PTPRD: variants seen among roughly 807,000 people sequenced by gnomAD.
PTPRD encodes receptor-type tyrosine-protein phosphatase delta.
PTPRD carries 34 observed loss-of-function variants against 214.5 expected under a neutral mutation model. The ratio of observed to expected loss-of-function variants is 0.16; its 90% CI spans 0.12 to 0.21. The LOEUF (loss-of-function observed/expected upper bound fraction) is 0.21. Ranked by LOEUF, PTPRD falls within the 10% of genes least tolerant of loss-of-function variation. PTPRD has a pLI of 1.00. For synonymous variants in PTPRD, 1,128 were observed against 845.7 expected (o/e 1.33, Z -5.79); for missense variants, 2,545 against 2,398.7 (o/e 1.06, Z -1.27).
At chr9:8,807,495 A>G (rs2154521332) in intron 11 of PTPRD, among the ~76,000 whole-genome samples, 1 of 152,224 alleles carries the variant, frequency 6.6e-6, no homozygotes, top group South Asian at 2.1e-4. Context: ...CAAACAAACA[A>G]AGCAACTACA....
At chr9:9,779,474 C>T (rs748202803) in intron 5 of PTPRD, among the ~76,000 whole-genome samples, 25 of 151,986 alleles carry the variant, frequency 1.6e-4, no homozygotes, top group East Asian at 3.9e-4. Flanking sequence ...GTCTAATATC[C>T]GGAATGTATA....
chr9:9,742,418 A>G (rs1462909290), intron 6 of PTPRD, among the ~76,000 whole-genome samples: 2 of 152,222 alleles, frequency 1.3e-5, no homozygotes, highest in Non-Finnish European at 2.9e-5. Context: ...AATTAGAAGC[A>G]TCATGTATTC....
chr9:10,601,221 G>T (rs965539415), intron 2 of PTPRD, among the ~76,000 whole-genome samples: 18 of 151,596 alleles, frequency 1.2e-4, no homozygotes, highest in South Asian at 1.0e-3. Context: ...GTAGAGTCAG[G>T]GAGACAGTAG....
intron 4 of PTPRD, among the ~76,000 whole-genome samples, chr9:9,991,010 C>T (rs1230326528): frequency 2.0e-5 from 3 of 150,856 alleles, no homozygotes; most frequent in African/African-American, 7.3e-5. Context: ...TCTCGGCTCA[C>T]AACAACCTCT....
chr9:8,331,515 A>AAAGTGT, intron 44 of PTPRD, 67 bp downstream of exon 44: 1 of 1,550,818 alleles, frequency 6.4e-7, no homozygotes, highest in Non-Finnish European at 8.7e-7. Flanking sequence ...CTTACTACAA[A>AAAGTGT]AAGTGTATAC....
intron 9 of PTPRD, among the ~76,000 whole-genome samples, chr9:9,271,830 G>A (rs1384442337): frequency 6.6e-6 from 1 of 151,106 alleles, no homozygotes; most frequent in Non-Finnish European, 1.5e-5. Flanking sequence ...TATATTCAAA[G>A]GTATAAGAAG....
intron 3 of PTPRD, among the ~76,000 whole-genome samples, chr9:10,252,060 T>G (rs1425260407): frequency 6.6e-6 from 1 of 152,196 alleles, no homozygotes; most frequent in Non-Finnish European, 1.5e-5. Context: ...ATTCTACCAA[T>G]GTATACATGT....
chr9:10,309,169 C>T (rs2096188364), intron 3 of PTPRD, among the ~76,000 whole-genome samples: 1 of 151,994 alleles, frequency 6.6e-6, no homozygotes. Flanking sequence ...CCATATTGAT[C>T]CTTCAAACTT....
At position 10,496,732 on chromosome 9, in the gene PTPRD, T is replaced by C. The variant is rs149198183; in HGVS notation, c.-600+115666A>G. On this transcript the variant is annotated intron_variant, in intron 2 of 45. Transcript: ENST00000381196. ...TGATGTTGAGCATTTTTGCATATGC[T>C]TATTGGCTGCTTGTATATCTTCTTT... Among the ~76,000 whole-genome samples the C allele has an allele frequency of 6.5e-4, 99 of 152,164 alleles. 2 individuals carry two copies. In the East Asian group the frequency reaches 0.018, roughly 27 times the overall value.
At chr9:9,917,073 C>A (rs1307522011) in intron 5 of PTPRD, among the ~76,000 whole-genome samples, 1 of 149,180 alleles carries the variant, frequency 6.7e-6, no homozygotes, top group African/African-American at 2.5e-5. Context: ...TATTAAGAGG[C>A]AAGTATATAT....
intron 3 of PTPRD, among the ~76,000 whole-genome samples, chr9:10,131,905 A>G (rs2098891207): frequency 1.3e-5 from 2 of 152,158 alleles, no homozygotes; most frequent in Admixed American, 6.6e-5. Flanking sequence ...AAAATCAAAA[A>G]ATATGCTCAA....
chr9:10,610,325 A>G (rs1414715813), intron 2 of PTPRD, among the ~76,000 whole-genome samples: 1 of 152,200 alleles, frequency 6.6e-6, no homozygotes, highest in Non-Finnish European at 1.5e-5. Flanking sequence ...AATGTATGTC[A>G]GGTTAGTTTT....
At position 8,518,304 on chromosome 9, in the gene PTPRD, A is replaced by C; in HGVS notation, c.1087T>G (p.Ser363Ala). The C allele has an allele frequency of 1.2e-6, 2 of 1,614,092 alleles. No homozygotes were observed. The highest frequency in any genetic ancestry group is 1.7e-6 in the Non-Finnish European group (2 of 1,180,004). Residue 363 changes from serine to alanine, a missense_variant, in exon 21 of 46, where the codon TCT (serine) becomes GCT (alanine). By Grantham distance (99) the Ser-to-Ala change is moderately conservative. Transcript: ENST00000381196. The part of the protein sequence containing the change: ...YYIIQHKPKN[S>A]EELYKEIDGV... ...TCAATTTCTTTGTAAAGTTCCTCAGAGTTTTTAGGTTTATGCTGAATTATG... is the reference window on the plus strand; with the variant it reads ...TCAATTTCTTTGTAAAGTTCCTCAGCGTTTTTAGGTTTATGCTGAATTATG...
chr9:8,385,913 A>C (rs57495543), intron 37 of PTPRD, among the ~76,000 whole-genome samples: 15,904 of 152,128 alleles, frequency 0.1, 1,594 homozygotes, highest in African/African-American at 0.27. Flanking sequence ...AACCATGTTC[A>C]GGGACATGGA....
In PTPRD at chr9:9,574,790, G is replaced by A. The variant is rs1054215461; in HGVS notation, c.-286-9C>T. ...GTTCACCACCCTGAGACCTAGAAAAGTATAACACAAAACATTCTTTATTAG... is the reference window on the plus strand; with the variant it reads ...GTTCACCACCCTGAGACCTAGAAAAATATAACACAAAACATTCTTTATTAG... On this transcript the variant is annotated splice_polypyrimidine_tract_variant and intron_variant, in intron 7 of 45. Coordinates refer to ENST00000381196, the MANE Select transcript of PTPRD (RefSeq NM_002839.4). The A allele has an allele frequency of 1.3e-5, 2 of 151,990 alleles. No homozygotes were observed. The highest frequency in any genetic ancestry group is 6.6e-5 in the Admixed American group (1 of 15,236). The allele number at this position is 151,990 out of a possible 1,614,324, so 9.4% of individuals were successfully genotyped here. A position where few individuals can be genotyped will look rare whatever the true frequency, so the allele number is the denominator to read the frequency against.
intron 33 of PTPRD, among the ~76,000 whole-genome samples, chr9:8,450,321 T>A (rs989319254): frequency 6.6e-6 from 1 of 152,136 alleles, no homozygotes; most frequent in African/African-American, 2.4e-5. Flanking sequence ...GTAGATGCCG[T>A]AGATTTTCCC....
chr9:8,387,944 T>A (rs1458295191), intron 37 of PTPRD, among the ~76,000 whole-genome samples: 1 of 152,218 alleles, frequency 6.6e-6, no homozygotes, highest in African/African-American at 2.4e-5. Context: ...TCCATTTACA[T>A]CTTTTGAATT....
chr9:8,955,351 T>C (rs2099125482), intron 11 of PTPRD, among the ~76,000 whole-genome samples: 1 of 151,800 alleles, frequency 6.6e-6, no homozygotes, highest in African/African-American at 2.4e-5. Flanking sequence ...CTTGGATAGA[T>C]AGAGATAGTC....
At chr9:9,643,193 C>G (rs966631842) in intron 7 of PTPRD, among the ~76,000 whole-genome samples, 1 of 152,108 alleles carries the variant, frequency 6.6e-6, no homozygotes, top group Non-Finnish European at 1.5e-5. Context: ...TTAGAATGTC[C>G]TTTGCAAAAT....
Sources: gnomAD v4.1 joint callset for allele counts (sites outside exome capture counted in the v4.1 genomes callset) on GRCh38, gnomAD v4.1.1 for gene constraint, MANE v1.5 for transcripts, NCBI Gene and HGNC (gene_info 2026-07-23, HGNC 2026-07-21) for gene names.